KLHL29: variants seen among roughly 807,000 people sequenced by gnomAD.
KLHL29 encodes the protein kelch like family member 29.
KLHL29 carries 21 observed loss-of-function variants against 80.4 expected under a neutral mutation model. That is an observed-to-expected ratio of 0.26 (90% CI 0.19 to 0.38). The LOEUF (loss-of-function observed/expected upper bound fraction) is 0.38. Among genes scored for constraint, KLHL29 ranks in the 10% least tolerant of loss-of-function variants. The pLI is 1.00. For missense variants in KLHL29, 867 were observed against 1,223.9 expected, an observed-to-expected ratio of 0.71 and a Z score of 4.35; for synonymous variants, 511 against 526.8, an observed-to-expected ratio of 0.97 and a Z score of 0.41.
At chr2:23,552,761 C>CTTTTCTTTTTT (rs71400590) in intron 2 of KLHL29, among the ~76,000 whole-genome samples, 4 of 95,576 alleles carry the variant, frequency 4.2e-5, no homozygotes, top group African/African-American at 4.7e-5. Flanking sequence ...GGTTTCTTTT[C>CTTTTCTTTTTT]TTTTTTTTTT....
At chr2:23,415,185 G>T (rs1016965303) in intron 1 of KLHL29, among the ~76,000 whole-genome samples, 1 of 152,178 alleles carries the variant, frequency 6.6e-6, no homozygotes, top group African/African-American at 2.4e-5. Context: ...AGTGTGTGTC[G>T]GTGCGTCCTG....
chr2:23,602,906 G>A (rs6711873), intron 3 of KLHL29, among the ~76,000 whole-genome samples: 21,867 of 152,158 alleles, frequency 0.14, 2,012 homozygotes, highest in Non-Finnish European at 0.2. Context: ...GAGAGGGTCT[G>A]CTCAGCCTAG....
intron 1 of KLHL29, among the ~76,000 whole-genome samples, chr2:23,441,300 A>G (rs62125371): frequency 0.066 from 8,413 of 127,968 alleles, 320 homozygotes; most frequent in African/African-American, 0.12. Flanking sequence ...GGACACAGGA[A>G]GGGGAACATC....
intron 1 of KLHL29, among the ~76,000 whole-genome samples, chr2:23,445,770 A>G (rs776425329): frequency 6.6e-6 from 1 of 152,234 alleles, no homozygotes; most frequent in Non-Finnish European, 1.5e-5. Context: ...ATGCTTGTCA[A>G]ACTTAAGGCT....
chr2:23,635,043 A>G (rs1423673240), intron 3 of KLHL29, among the ~76,000 whole-genome samples: 1 of 152,230 alleles, frequency 6.6e-6, no homozygotes, highest in East Asian at 1.9e-4. Flanking sequence ...AGAGGTGAGA[A>G]CAAGCAAGGC....
rs375556016 is a variant in KLHL29, at chr2:23,597,313, G to A, written c.285+34832G>A. ...CTCTCTCTCATATATATATATATGT[G>A]TGTGTGTGTGTGTGTGTGTGTGTGT... On this transcript the variant is annotated intron_variant, in intron 3 of 13. Coordinates refer to ENST00000486442, the MANE Select transcript of KLHL29 (RefSeq NM_052920.2). Among the ~76,000 whole-genome samples the A allele has an allele frequency of 9.4e-3, 1,172 of 124,958 alleles. 12 individuals carry two copies. The highest frequency in any genetic ancestry group is 0.013 in the Non-Finnish European group (829 of 63,436). The allele number at this position is 124,958 out of a possible 152,430, so 82.0% of individuals were successfully genotyped here. A position where few individuals can be genotyped will look rare whatever the true frequency, so the allele number is the denominator to read the frequency against.
intron 1 of KLHL29, among the ~76,000 whole-genome samples, chr2:23,411,171 G>T (rs1027062790): frequency 3.3e-5 from 5 of 152,208 alleles, no homozygotes; most frequent in Admixed American, 3.3e-4. Context: ...GAAATATAGG[G>T]ATGTCCAAAT....
At chr2:23,461,965 C>T (rs1015752952) in intron 1 of KLHL29, among the ~76,000 whole-genome samples, 1 of 108,702 alleles carries the variant, frequency 9.2e-6, no homozygotes, top group African/African-American at 4.2e-5. Flanking sequence ...AAAGTAATTG[C>T]GGTTTTTGCC....
At chr2:23,511,809 C>G (rs1004474968) in intron 2 of KLHL29, among the ~76,000 whole-genome samples, 2 of 151,960 alleles carry the variant, frequency 1.3e-5, no homozygotes, top group Non-Finnish European at 2.9e-5. Context: ...CTTTATCTCT[C>G]AGGAGGGAGG....
rs542474175 is a variant in KLHL29 at position 23,648,872 on chromosome 2, A to C, written c.940+6022A>C. Reference sequence around the variant, plus strand: ...TGGGTAAATTCAAACTCCACTTCCCACTAACCCCATGAACTTCTGCTAGAA... The same window carrying C: ...TGGGTAAATTCAAACTCCACTTCCCCCTAACCCCATGAACTTCTGCTAGAA... On this transcript the variant is annotated intron_variant, in intron 5 of 13. Coordinates refer to ENST00000486442, the MANE Select transcript of KLHL29 (RefSeq NM_052920.2). 2.6e-5 allele frequency among the ~76,000 whole-genome samples: 4 copies of C among 152,246 alleles called. No individual in the cohort carries two copies. In the East Asian group the frequency reaches 7.7e-4, roughly 29 times the overall value.
rs555169461 is a variant in KLHL29, at chr2:23,635,426, G to T, written c.286-3713G>T. Among the ~76,000 whole-genome samples the T allele has an allele frequency of 1.2e-4, 18 of 152,302 alleles. No individual in the cohort carries two copies. The South Asian group carries it at 3.3e-3, about 28-fold the overall frequency. On this transcript the variant is annotated intron_variant, in intron 3 of 13. Coordinates refer to ENST00000486442, the MANE Select transcript of KLHL29 (RefSeq NM_052920.2). ...CCCCAAGCTGGTGGAGTGAACCCAC[G>T]TGTCCTCTGAGACTGCTGCAGGGTG...
chr2:23,613,780 A>AAAAAAAAAC (rs1558408716), intron 3 of KLHL29, among the ~76,000 whole-genome samples: 1 of 150,020 alleles, frequency 6.7e-6, no homozygotes, highest in African/African-American at 2.4e-5. Context: ...AAAAAAAAAA[A>AAAAAAAAAC]AAAAAAAAAA....
At chr2:23,483,089 T>C (rs1864807) in intron 2 of KLHL29, among the ~76,000 whole-genome samples, 124,735 of 152,148 alleles carry the variant, frequency 0.82, 51,335 homozygotes, top group East Asian at 0.92. Flanking sequence ...CTCATTTACT[T>C]GACTTAGTGA....
rs931428767 is a variant in KLHL29 at position 23,621,744 on chromosome 2, C to T, written c.286-17395C>T. Among the ~76,000 whole-genome samples the T allele has an allele frequency of 2.6e-5, 4 of 152,194 alleles. No individual in the cohort carries two copies. The South Asian group carries it at 8.3e-4, about 32-fold the overall frequency. On this transcript the variant is annotated intron_variant, in intron 3 of 13. Transcript: ENST00000486442. ...AATGAAGTGCAGCAGAAAGCTGCCC[C>T]TCTCCACTTTGGGAGTGCCCAGACA...
intron 1 of KLHL29, among the ~76,000 whole-genome samples, chr2:23,390,132 A>G (rs968641714): frequency 1.3e-5 from 2 of 152,250 alleles, no homozygotes; most frequent in African/African-American, 4.8e-5. Context: ...ACTTGAAAAC[A>G]GGAAAACTGA....
intron 2 of KLHL29, among the ~76,000 whole-genome samples, chr2:23,516,158 G>C (rs1276110037): frequency 6.6e-6 from 1 of 152,128 alleles, no homozygotes; most frequent in Non-Finnish European, 1.5e-5. Flanking sequence ...GCCCTGCCCA[G>C]CCTGGCTGGC....
chr2:23,670,039 G>C (rs1355312190), intron 5 of KLHL29: 4 of 152,152 alleles, frequency 2.6e-5, no homozygotes, highest in Non-Finnish European at 5.9e-5. Context: ...AGGCCCCAGA[G>C]CATGGGCCGT....
intron 2 of KLHL29, among the ~76,000 whole-genome samples, chr2:23,542,905 ACTC>A (rs1383921132): frequency 2.6e-5 from 4 of 151,966 alleles, no homozygotes; most frequent in Non-Finnish European, 5.9e-5. Flanking sequence ...TGGGCAAGTC[ACTC>A]CCAACTGTCT....
At chr2:23,626,523 A>G (rs183177207) in intron 3 of KLHL29, among the ~76,000 whole-genome samples, 25 of 152,336 alleles carry the variant, frequency 1.6e-4, no homozygotes, top group African/African-American at 2.9e-4. Context: ...GGGGCTGTCA[A>G]CTGGACCATC....
Sources: allele counts gnomAD v4.1 joint callset (sites outside exome capture counted in the v4.1 genomes callset), GRCh38; gene constraint gnomAD v4.1.1; transcripts MANE v1.5; gene names NCBI Gene and HGNC (gene_info 2026-07-23, HGNC 2026-07-21).